Variants in MAP3K9 observed in about 807,000 individuals in gnomAD.
MAP3K9 encodes the protein mitogen-activated protein kinase kinase kinase 9.
Under a neutral mutation model 95.8 loss-of-function variants are expected in MAP3K9, and 46 were observed. The ratio of observed to expected loss-of-function variants is 0.48; its 90% confidence interval spans 0.38 to 0.61. The LOEUF is 0.61. MAP3K9 is among the 20% of genes least tolerant of loss of function. The pLI is 0.00. For missense variants in MAP3K9, 1,296 were observed against 1,474.3 expected, an observed-to-expected ratio of 0.88 and a Z score of 1.98; for synonymous variants, 533 against 593.8, an observed-to-expected ratio of 0.90 and a Z score of 1.49.
rs1470425733 is a variant in MAP3K9 at position 70,724,414 on chromosome 14, GT to G, written c.*5965del. ...ACTCAGGACCTGAGGGGAAGGGCAAGTAAAAATTTAAAACGTATTTCACAGT... is the reference window on the plus strand; with the variant it reads ...ACTCAGGACCTGAGGGGAAGGGCAAGAAAAATTTAAAACGTATTTCACAGT... On this transcript the variant is annotated 3_prime_UTR_variant, in exon 12 of 12. Transcript: ENST00000554752. 6.6e-6 allele frequency: 1 copy of G among 152,166 alleles called. No individual in the cohort carries two copies. The highest frequency in any genetic ancestry group is 6.5e-5 in the Admixed American group (1 of 15,270). The allele number at this position is 152,166 out of a possible 1,614,324, so 9.4% of individuals were successfully genotyped here. A position where few individuals can be genotyped will look rare whatever the true frequency, so the allele number is the denominator to read the frequency against.
intron 2 of MAP3K9, among the ~76,000 whole-genome samples, chr14:70,768,695 A>G (rs1157793446): frequency 1.3e-5 from 2 of 152,150 alleles, no homozygotes; most frequent in South Asian, 2.1e-4. Flanking sequence ...ATCTGACCTA[A>G]TATCATTTAG....
rs1013355548 is a variant in MAP3K9 at position 70,763,810 on chromosome 14, G to A, written c.821-2628C>T. ...GCCTCCCAAAGTGTTGGGATTACTG[G>A]TGGGAGCCACTGTGCCTGGCCAGCA... is the stretch of plus-strand genomic sequence containing the variant. On this transcript the variant is annotated intron_variant, in intron 2 of 11. Transcript: ENST00000554752. 9.2e-5 allele frequency among the ~76,000 whole-genome samples: 14 copies of A among 152,254 alleles called. No individual in the cohort carries two copies. The East Asian group carries it at 2.3e-3, about 25-fold the overall frequency.
chr14:70,801,740 G>A (rs1439350160), intron 1 of MAP3K9, among the ~76,000 whole-genome samples: 3 of 152,224 alleles, frequency 2.0e-5, no homozygotes, highest in Admixed American at 2.0e-4. Context: ...GGGTGAGTGG[G>A]GAAAGGATTC....
rs112769386 is a variant in MAP3K9 at position 70,724,104 on chromosome 14, G to C, written c.*6276C>G. On this transcript the variant is annotated 3_prime_UTR_variant, in exon 12 of 12. Transcript: ENST00000554752. ...CTTTAGTCCCTTCTGAAATCTGGAC[G>C]AGAGAATGAATGAAGTTCATTCACT... 6.6e-6 allele frequency: 1 copy of C among 152,158 alleles called. No homozygotes were observed. Among genetic ancestry groups the C allele is most frequent in the Admixed American group, 6.5e-5 (1 of 15,276 alleles). 9.4% of individuals were successfully genotyped at this position (152,158 alleles called of 1,614,324 possible).
In MAP3K9 at chr14:70,725,777, C is replaced by T. The variant is rs566660849; in HGVS notation, c.*4603G>A. 6.6e-6 allele frequency: 1 copy of T among 152,178 alleles called. No individual in the cohort carries two copies. Among genetic ancestry groups the T allele is most frequent in the African/African-American group, 2.4e-5 (1 of 41,504 alleles). The allele number at this position is 152,178 out of a possible 1,614,324, so 9.4% of individuals were successfully genotyped here. ...GAGAGGCAGGTACATTAGGGTGAAC[C>T]ATATGAAATAGCTGATATTCGACTG... On this transcript the variant is annotated 3_prime_UTR_variant, in exon 12 of 12. Coordinates refer to ENST00000554752, the MANE Select transcript of MAP3K9 (RefSeq NM_001284230.2).
intron 2 of MAP3K9, among the ~76,000 whole-genome samples, chr14:70,782,164 C>T (rs1330187870): frequency 1.3e-5 from 2 of 152,160 alleles, no homozygotes; most frequent in African/African-American, 4.8e-5. Flanking sequence ...CTACATCACA[C>T]TGTTCTGGTT....
At chr14:70,806,845 T>C (rs1229908515) in intron 1 of MAP3K9, among the ~76,000 whole-genome samples, 1 of 152,242 alleles carries the variant, frequency 6.6e-6, no homozygotes, top group Non-Finnish European at 1.5e-5. Flanking sequence ...ATCTGACTTA[T>C]GTTTAAAATG....
chr14:70,723,822 G>A lies in MAP3K9; in HGVS notation c.*6558C>T, dbSNP rs964930025. 9 of 152,268 alleles carry A rather than the reference G, an allele frequency of 5.9e-5. No individual in the cohort carries two copies. Among genetic ancestry groups the A allele is most frequent in the East Asian group, 1.9e-4 (1 of 5,188 alleles). The allele number at this position is 152,268 out of a possible 1,614,324, so 9.4% of individuals were successfully genotyped here. On this transcript the variant is annotated 3_prime_UTR_variant, in exon 12 of 12. Transcript: ENST00000554752. Reference sequence around the variant, plus strand: ...AATGATTTCTTATCATGTATTATTCGTCTTTATAACTAGGCCAGGATACAT... The same window carrying A: ...AATGATTTCTTATCATGTATTATTCATCTTTATAACTAGGCCAGGATACAT...
At chr14:70,774,921 T>C (rs141587742) in intron 2 of MAP3K9, among the ~76,000 whole-genome samples, 77 of 122,812 alleles carry the variant, frequency 6.3e-4, no homozygotes, top group African/African-American at 2.4e-3. Flanking sequence ...GAGGGAGAGG[T>C]TGCAGTAAGC....
rs1314991448 is a variant in MAP3K9 at position 70,727,949 on chromosome 14, G to C, written c.*2431C>G. 6.6e-6 allele frequency: 1 copy of C among 152,088 alleles called. No homozygotes were observed. The highest frequency in any genetic ancestry group is 1.5e-5 in the Non-Finnish European group (1 of 68,040). The allele number at this position is 152,088 out of a possible 1,614,324, so 9.4% of individuals were successfully genotyped here. On this transcript the variant is annotated 3_prime_UTR_variant, in exon 12 of 12. Transcript: ENST00000554752. Reference sequence around the variant, plus strand: ...TACCACAATGGCAAAAGTTAAAAATGAGCAAAGGAAAAATCTCTGCTTCAT... The same window carrying C: ...TACCACAATGGCAAAAGTTAAAAATCAGCAAAGGAAAAATCTCTGCTTCAT...
At chr14:70,734,339 C>T in intron 10 of MAP3K9, 47 bp downstream of exon 10, 1 of 1,361,356 alleles carries the variant, frequency 7.3e-7, no homozygotes, top group Non-Finnish European at 1.1e-6. Context: ...AGAATGCCCC[C>T]AGGGAGCAGG....
At chr14:70,791,815 C>A (rs2054810446) in intron 2 of MAP3K9, among the ~76,000 whole-genome samples, 1 of 152,202 alleles carries the variant, frequency 6.6e-6, no homozygotes, top group Non-Finnish European at 1.5e-5. Context: ...AAGGTCTTTC[C>A]CCCTGACCCC....
intron 2 of MAP3K9, among the ~76,000 whole-genome samples, chr14:70,782,313 G>A (rs1301461149): frequency 1.3e-5 from 2 of 152,110 alleles, no homozygotes; most frequent in Admixed American, 1.3e-4. Context: ...TTTCTTATGA[G>A]GACATTTGGG....
chr14:70,760,047 T>TATCCAGCCAACTTATACATTCTAA (rs2139778095), intron 3 of MAP3K9, among the ~76,000 whole-genome samples: 1 of 128,018 alleles, frequency 7.8e-6, no homozygotes, highest in Non-Finnish European at 1.7e-5. Context: ...TGAGCCACTG[T>TATCCAGCCAACTTATACATTCTAA]ATCCAGCCAA....
At chr14:70,779,511 T>C (rs2054645918) in intron 2 of MAP3K9, among the ~76,000 whole-genome samples, 1 of 152,160 alleles carries the variant, frequency 6.6e-6, no homozygotes, top group Admixed American at 6.5e-5. Context: ...ATCACATCAC[T>C]TACTTGCTCT....
chr14:70,749,152 G>T (rs2054191522), intron 4 of MAP3K9, 148 bp from the exon 5 acceptor site: 2 of 711,770 alleles, frequency 2.8e-6, no homozygotes, highest in Non-Finnish European at 4.6e-6. Flanking sequence ...CTCAAATAAG[G>T]CTCAGGAAGT....
In MAP3K9 at chr14:70,740,157, C is replaced by T; in HGVS notation, c.1575G>A (p.Gln525=). 6.2e-7 allele frequency: 1 copy of T among 1,612,226 alleles called. No individual in the cohort carries two copies. The highest frequency in any genetic ancestry group is 8.5e-7 in the Non-Finnish European group (1 of 1,178,452). ...GNRISLPSDF[Q]HKFTVQASPT... is the part of the protein sequence containing the mutation. Reference sequence around the variant, plus strand: ...GGGAGGCCTGCACCGTGAACTTGTGCTGGAAATCTGCTTGGGGAAAGACAA... The same window carrying T: ...GGGAGGCCTGCACCGTGAACTTGTGTTGGAAATCTGCTTGGGGAAAGACAA... Residue 525 remains glutamine (Q), a synonymous_variant, in exon 7 of 12, where the codon CAG becomes CAA. Coordinates refer to ENST00000554752, the MANE Select transcript of MAP3K9 (RefSeq NM_001284230.2).
At chr14:70,740,649 G>A (rs150827034) in intron 6 of MAP3K9, among the ~76,000 whole-genome samples, 33 of 152,304 alleles carry the variant, frequency 2.2e-4, no homozygotes, top group African/African-American at 7.5e-4. Context: ...GGGCAGTGAG[G>A]GAGATGGAGC....
intron 5 of MAP3K9, among the ~76,000 whole-genome samples, chr14:70,745,583 T>C (rs1594774091): frequency 6.6e-6 from 1 of 151,964 alleles, no homozygotes; most frequent in African/African-American, 2.4e-5. Context: ...ACTAAAAACA[T>C]AAGAATCAGC....
Sources: allele counts gnomAD v4.1 joint callset (sites outside exome capture counted in the v4.1 genomes callset), GRCh38; gene constraint gnomAD v4.1.1; transcripts MANE v1.5; gene names NCBI Gene and HGNC (gene_info 2026-07-23, HGNC 2026-07-21).